The following FER variants were observed in gnomAD, a reference collection of about 807,000 sequenced individuals.
The protein encoded by FER is tyrosine-protein kinase Fer.
Under a neutral mutation model 111.0 loss-of-function variants are expected in FER, and 63 were observed. The observed-to-expected ratio is 0.57, with a 90% CI of 0.46 to 0.70. The LOEUF (loss-of-function observed/expected upper bound fraction) is 0.70. FER is among the 30% of genes least tolerant of loss of function. The probability of loss-of-function intolerance (pLI) is 0.00; values close to 1 mark genes in which losing one functional copy is unlikely to be tolerated. For synonymous variants in FER, 327 were observed against 313.9 expected, an observed-to-expected ratio of 1.04 and a Z score of -0.44; for missense variants, 914 against 954.0, an observed-to-expected ratio of 0.96 and a Z score of 0.55.
chr5:108,877,939 T>C (rs2150266179), intron 8 of FER, among the ~76,000 whole-genome samples: 1 of 152,222 alleles, frequency 6.6e-6, no homozygotes, highest in African/African-American at 2.4e-5. Flanking sequence ...TGAGTCTTGC[T>C]CTGTTGCCCA....
At chr5:109,045,044 A>G (rs1272096573) in intron 15 of FER, among the ~76,000 whole-genome samples, 1 of 152,020 alleles carries the variant, frequency 6.6e-6, no homozygotes, top group Non-Finnish European at 1.5e-5. Flanking sequence ...TTCATCACAC[A>G]TACATATACA....
rs1765856151 is a variant in FER, at chr5:108,883,337, G to A, written c.924-59G>A. On this transcript the variant is annotated intron_variant, in intron 8 of 19. Coordinates refer to ENST00000281092, the MANE Select transcript of FER (RefSeq NM_005246.4). ...ACATAAGATGTATGAATACTTTTTT[G>A]ATATGTATAAAGTGAAAATTAATTT... The A allele has an allele frequency of 8.2e-6, 12 of 1,463,252 alleles. No homozygotes were observed. The South Asian group carries it at 1.7e-4, about 20-fold the overall frequency. The allele number at this position is 1,463,252 out of a possible 1,614,324, so 90.6% of individuals were successfully genotyped here.
chr5:108,845,062 A>ATG (rs1761879052), intron 5 of FER, among the ~76,000 whole-genome samples: 2 of 70,766 alleles, frequency 2.8e-5, no homozygotes, highest in African/African-American at 1.2e-4. Flanking sequence ...ATATATATAT[A>ATG]TATATACACA....
chr5:108,761,455 T>C (rs781282878), intron 1 of FER, among the ~76,000 whole-genome samples: 31 of 152,074 alleles, frequency 2.0e-4, no homozygotes, highest in South Asian at 2.1e-4. Context: ...ATAACACTTA[T>C]CAGTTAAGTT....
In FER at chr5:108,872,210, A is replaced by G. The variant is rs763558489; in HGVS notation, c.921A>G (p.Val307=). 6.2e-7 allele frequency: 1 copy of G among 1,602,052 alleles called. No homozygotes were observed. Among genetic ancestry groups the G allele is most frequent in the Non-Finnish European group, 8.5e-7 (1 of 1,175,472 alleles). ...WNNLTAESLQ[V]MLKTLAEELM... ...ACTTAACAGCAGAAAGTTTGCAAGT[A>G]ATGTAAGTATTCACAAAATATCAAC... Residue 307 remains valine (V), a splice_region_variant and synonymous_variant, in exon 8 of 20, where the codon GTA becomes GTG. Transcript: ENST00000281092.
At chr5:108,967,629 G>A (rs941748939) in intron 13 of FER, among the ~76,000 whole-genome samples, 1 of 151,822 alleles carries the variant, frequency 6.6e-6, no homozygotes, top group Non-Finnish European at 1.5e-5. Context: ...GTGTGGTGGT[G>A]GGCACCTGTA....
rs1764238309 is a variant in FER, at chr5:108,867,953, A to T, written c.665+3A>T. 1 of 1,595,772 alleles carries T rather than the reference A, an allele frequency of 6.3e-7. No homozygotes were observed. The highest frequency in any genetic ancestry group is 1.8e-5 in the Admixed American group (1 of 54,558). On this transcript the variant is annotated splice_donor_region_variant and intron_variant, in intron 6 of 19. Transcript: ENST00000281092. ...CAAGAAGAAATGATAAAAGCACTGT[A>T]AGATACATTTTCTTTTTATCATAAA...
At chr5:108,991,991 GTC>G (rs1763245529) in intron 13 of FER, among the ~76,000 whole-genome samples, 1 of 152,088 alleles carries the variant, frequency 6.6e-6, no homozygotes, top group African/African-American at 2.4e-5. Context: ...GTGAACAAAG[GTC>G]TCTGGTTTTC....
At chr5:108,907,532 A>T (rs972933697) in intron 10 of FER, among the ~76,000 whole-genome samples, 5 of 151,070 alleles carry the variant, frequency 3.3e-5, no homozygotes, top group African/African-American at 1.2e-4. Flanking sequence ...TGACTTAGGG[A>T]TCCACCCGCC....
In FER at chr5:108,884,833, G is replaced by T. The variant is rs974059062; in HGVS notation, c.1046+1315G>T. ...TCAAAGTCTGGCTTTTTGCCCTATC[G>T]CTATGGAAATGGGTAGCTCTAAGAT... On this transcript the variant is annotated intron_variant, in intron 9 of 19. Transcript: ENST00000281092. 2.0e-5 allele frequency among the ~76,000 whole-genome samples: 3 copies of T among 151,774 alleles called. No homozygotes were observed. The East Asian group carries it at 5.8e-4, about 29-fold the overall frequency.
intron 6 of FER, among the ~76,000 whole-genome samples, 189 bp downstream of exon 6, chr5:108,868,139 G>A (rs1302897158): frequency 1.3e-5 from 2 of 151,808 alleles, no homozygotes. Context: ...AAACCTTCTA[G>A]CTAGCTTCCA....
chr5:108,921,718 T>G (rs1482616178), intron 10 of FER, among the ~76,000 whole-genome samples: 1 of 152,192 alleles, frequency 6.6e-6, no homozygotes, highest in Non-Finnish European at 1.5e-5. Flanking sequence ...CAAAGGTTAC[T>G]AAATGTTAAG....
At chr5:109,025,258 AAT>A in intron 13 of FER, among the ~76,000 whole-genome samples, 1 of 152,100 alleles carries the variant, frequency 6.6e-6, no homozygotes. Flanking sequence ...ATGAACATGG[AAT>A]GTTCTTCCAT....
intron 10 of FER, among the ~76,000 whole-genome samples, chr5:108,942,702 T>A (rs563633461): frequency 6.6e-5 from 10 of 152,308 alleles, no homozygotes; most frequent in African/African-American, 2.4e-5. Flanking sequence ...TGCATTTTTT[T>A]AAAATGAAGG....
intron 5 of FER, among the ~76,000 whole-genome samples, chr5:108,849,850 A>G (rs752095670): frequency 4.6e-5 from 7 of 152,158 alleles, no homozygotes; most frequent in South Asian, 2.1e-4. Context: ...TTCATGACAG[A>G]GAGAATAATA....
chr5:109,152,675 T>C (rs1754975346), intron 17 of FER, among the ~76,000 whole-genome samples: 1 of 151,908 alleles, frequency 6.6e-6, no homozygotes, highest in Non-Finnish European at 1.5e-5. Flanking sequence ...AACTTCACGG[T>C]GAAATTATGT....
intron 13 of FER, among the ~76,000 whole-genome samples, chr5:109,011,664 T>G (rs1046508751): frequency 1.3e-5 from 2 of 152,194 alleles, no homozygotes; most frequent in Non-Finnish European, 2.9e-5. Flanking sequence ...TTGCTTTTAT[T>G]TTTTTGAATA....
intron 13 of FER, among the ~76,000 whole-genome samples, chr5:108,960,043 T>A (rs990720619): frequency 6.6e-6 from 1 of 152,060 alleles, no homozygotes; most frequent in Non-Finnish European, 1.5e-5. Flanking sequence ...AGGAGTTGGG[T>A]TGGTATTGGC....
At chr5:109,007,090 A>G (rs1199982489) in intron 13 of FER, among the ~76,000 whole-genome samples, 9 of 152,214 alleles carry the variant, frequency 5.9e-5, no homozygotes, top group African/African-American at 1.9e-4. Flanking sequence ...GGTTATTCAG[A>G]AAATTGAGAA....
Sources: gnomAD v4.1 joint callset for allele counts (sites outside exome capture counted in the v4.1 genomes callset) on GRCh38, gnomAD v4.1.1 for gene constraint, MANE v1.5 for transcripts, NCBI Gene and HGNC (gene_info 2026-07-23, HGNC 2026-07-21) for gene names.